The following ZNF292 variants were observed in gnomAD, a reference collection of about 807,000 sequenced individuals.
ZNF292 encodes the protein 16 zinc-finger domain protein.
ZNF292 carries 26 observed loss-of-function variants against 217.9 expected under a neutral mutation model. That is an observed-to-expected ratio of 0.12 (90% CI 0.09 to 0.17). ZNF292 has a LOEUF of 0.17. ZNF292 is among the 10% of genes least tolerant of loss of function. The pLI, the probability that ZNF292 is intolerant of heterozygous loss-of-function variation, is 1.00. For missense variants in ZNF292, 2,904 were observed against 3,175.2 expected, an observed-to-expected ratio of 0.91 and a Z score of 2.05; for synonymous variants, 1,257 against 1,124.1, an observed-to-expected ratio of 1.12 and a Z score of -2.37.
intron 1 of ZNF292, among the ~76,000 whole-genome samples, chr6:87,195,045 G>A (rs2127785372): frequency 6.6e-6 from 1 of 152,142 alleles, no homozygotes; most frequent in East Asian, 1.9e-4. Flanking sequence ...AATGTAATAA[G>A]GACTAAGTTT....
At chr6:87,198,516 A>G (rs763923498) in intron 1 of ZNF292, among the ~76,000 whole-genome samples, 8 of 152,220 alleles carry the variant, frequency 5.3e-5, no homozygotes, top group Non-Finnish European at 7.4e-5. Context: ...TTGCATGTTT[A>G]TGTGTTCCAT....
Position 87,255,713 on chromosome 6 carries a change from T to C in ZNF292, c.2084T>C (p.Phe695Ser), listed in dbSNP as rs746347330. 6.2e-7 allele frequency: 1 copy of C among 1,613,406 alleles called. No individual in the cohort carries two copies. The highest frequency in any genetic ancestry group is 8.5e-7 in the Non-Finnish European group (1 of 1,179,698). ...VTFCKKGFKY[F>S]KNLIAHVKGH... ...TTTTGTAAAAAGGGCTTTAAGTACTTTAAAAATTTAATTGCTCATGTGAAG... is the reference window on the plus strand; with the variant it reads ...TTTTGTAAAAAGGGCTTTAAGTACTCTAAAAATTTAATTGCTCATGTGAAG... Residue 695 changes from phenylalanine to serine, a missense_variant, in exon 8 of 8, where the codon TTT (phenylalanine) becomes TCT (serine). By Grantham distance (155) the Phe-to-Ser change is radical (BLOSUM62 -2). Transcript: ENST00000369577.
At chr6:87,241,243 C>T (rs1774269579) in intron 5 of ZNF292, among the ~76,000 whole-genome samples, 1 of 152,098 alleles carries the variant, frequency 6.6e-6, no homozygotes, top group African/African-American at 2.4e-5. Context: ...GAGATGGCAC[C>T]ACTGTGCCCC....
rs1424355515 is a variant in ZNF292, at chr6:87,265,315, A to G, written c.*3514A>G. On this transcript the variant is annotated 3_prime_UTR_variant, in exon 8 of 8. Coordinates refer to ENST00000369577, the MANE Select transcript of ZNF292 (RefSeq NM_015021.3). ...TTTTGGCACAATCTCAGCTCAGTGC[A>G]ACTTCCATCTCCCAGGTTCAAGTGA... 6.6e-6 allele frequency among the ~76,000 whole-genome samples: 1 copy of G among 152,062 alleles called. No individual in the cohort carries two copies. Among genetic ancestry groups the G allele is most frequent in the Non-Finnish European group, 1.5e-5 (1 of 67,998 alleles).
chr6:87,240,215 GGCGGCAT>G (rs1774200436), intron 5 of ZNF292, among the ~76,000 whole-genome samples: 1 of 152,164 alleles, frequency 6.6e-6, no homozygotes, highest in African/African-American at 2.4e-5. Flanking sequence ...AGTCAGGCGT[GGCGGCAT>G]GCGCCTGCAA....
At chr6:87,217,083 G>A (rs920460499) in intron 3 of ZNF292, among the ~76,000 whole-genome samples, 38 of 151,962 alleles carry the variant, frequency 2.5e-4, no homozygotes, top group African/African-American at 8.9e-4. Flanking sequence ...GCTCCTGCCA[G>A]CTAGTTTCAA....
intron 1 of ZNF292, among the ~76,000 whole-genome samples, chr6:87,182,832 G>A (rs1018638716): frequency 3.3e-5 from 5 of 152,124 alleles, no homozygotes; most frequent in African/African-American, 1.2e-4. Flanking sequence ...TAATAAATCA[G>A]TAAAACAGCA....
Position 87,255,362 on chromosome 6 carries a change from T to C in ZNF292, c.1733T>C (p.Phe578Ser). 6.2e-7 allele frequency: 1 copy of C among 1,613,710 alleles called. No individual in the cohort carries two copies. Among genetic ancestry groups the C allele is most frequent in the Non-Finnish European group, 8.5e-7 (1 of 1,179,802 alleles). ...AGTTGCCCCATATGTGCAAAGAACT[T>C]TAATTCTAAAGAAACTTTTGTCCCT... ...IYSCPICAKNFNSKETFVPHV... is the reference protein window; with the variant it reads ...IYSCPICAKNSNSKETFVPHV... The change falls in exon 8 of 8, where the codon TTT becomes TCT. Residue 578 changes from phenylalanine (F) to serine (S), a missense_variant. Physicochemically the swap from Phe to Ser is radical, Grantham distance 155. This residue lies in a region of ZNF292 where 216 missense variants were observed against 308.3 expected (regional missense o/e 0.70). Coordinates refer to ENST00000369577, the MANE Select transcript of ZNF292 (RefSeq NM_015021.3).
chr6:87,205,657 A>G (rs1772228597), intron 1 of ZNF292, among the ~76,000 whole-genome samples: 1 of 151,876 alleles, frequency 6.6e-6, no homozygotes, highest in Non-Finnish European at 1.5e-5. Flanking sequence ...TTCCTTTCTC[A>G]TTTCCAATAC....
intron 1 of ZNF292, among the ~76,000 whole-genome samples, chr6:87,208,299 C>A (rs1301258253): frequency 6.6e-6 from 1 of 152,070 alleles, no homozygotes; most frequent in East Asian, 1.9e-4. Context: ...AATTCATGTT[C>A]TTAGGTTCTA....
At chr6:87,197,802 G>T (rs569164251) in intron 1 of ZNF292, among the ~76,000 whole-genome samples, 2 of 146,142 alleles carry the variant, frequency 1.4e-5, no homozygotes, top group Non-Finnish European at 3.0e-5. Flanking sequence ...ATCTGTTTTA[G>T]TTGAAAGAAG....
At chr6:87,186,913 T>TC (rs1562129139) in intron 1 of ZNF292, among the ~76,000 whole-genome samples, 2 of 152,172 alleles carry the variant, frequency 1.3e-5, no homozygotes, top group East Asian at 3.8e-4. Flanking sequence ...AAATTTTTCC[T>TC]CCAACTACTC....
rs772297855 is a variant in ZNF292, at chr6:87,258,473, C to G, written c.4844C>G (p.Thr1615Arg). 2 of 1,613,594 alleles carry G rather than the reference C, an allele frequency of 1.2e-6. No individual in the cohort carries two copies. Among genetic ancestry groups the G allele is most frequent in the East Asian group, 4.5e-5 (2 of 44,874 alleles). ...RVSVISGPQNTRSSHLNKKGN... is the reference protein window; with the variant it reads ...RVSVISGPQNRRSSHLNKKGN... ...TCTGTTATAAGTGGTCCTCAGAACACAAGATCCAGTCATTTAAATAAAAAG... is the reference window on the plus strand; with the variant it reads ...TCTGTTATAAGTGGTCCTCAGAACAGAAGATCCAGTCATTTAAATAAAAAG... The change falls in exon 8 of 8, where the codon ACA becomes AGA. Residue 1615 changes from threonine to arginine, a missense_variant. Thr to Arg is a moderately conservative substitution (Grantham distance 71). This residue lies in a region of ZNF292 where 622 missense variants were observed against 573.1 expected (regional missense o/e 1.09). Transcript: ENST00000369577.
intron 5 of ZNF292, among the ~76,000 whole-genome samples, chr6:87,237,840 G>A (rs1773975723): frequency 6.6e-6 from 1 of 152,192 alleles, no homozygotes; most frequent in African/African-American, 2.4e-5. Context: ...ATAGAGAATA[G>A]TCCCTATATA....
chr6:87,205,298 C>A (rs913108670), intron 1 of ZNF292, among the ~76,000 whole-genome samples: 1 of 151,950 alleles, frequency 6.6e-6, no homozygotes, highest in South Asian at 2.1e-4. Context: ...GGTCTCGAAC[C>A]CCTGGCCTCA....
chr6:87,195,721 G>T (rs1262575734), intron 1 of ZNF292, among the ~76,000 whole-genome samples: 2 of 152,024 alleles, frequency 1.3e-5, no homozygotes, highest in African/African-American at 2.4e-5. Flanking sequence ...CTAAAAATTT[G>T]AAACATTAGA....
Position 87,255,556 on chromosome 6 carries a change from A to G in ZNF292, c.1927A>G (p.Thr643Ala), listed in dbSNP as rs775970694. The G allele has an allele frequency of 3.1e-6, 5 of 1,611,076 alleles. No individual in the cohort carries two copies. The South Asian group carries it at 3.3e-5, about 11-fold the overall frequency. The change falls in exon 8 of 8, where the codon ACA becomes GCA. Residue 643 changes from threonine (T) to alanine (A), a missense_variant. Around this residue, in one of 15 missense-constraint regions of ZNF292, gnomAD observed 216 missense variants for 308.3 expected, o/e 0.70. Transcript: ENST00000369577. ...TATAAAAAAGAATAGTCTCTATTCA[A>G]CAGATTTTATAGTGTTTAATGACAA... Reference protein sequence around the residue: ...RPIKKNSLYSTDFIVFNDNDG... With the variant: ...RPIKKNSLYSADFIVFNDNDG...
intron 1 of ZNF292, among the ~76,000 whole-genome samples, chr6:87,214,562 A>G (rs1230157263): frequency 6.6e-6 from 1 of 151,968 alleles, no homozygotes; most frequent in Non-Finnish European, 1.5e-5. Flanking sequence ...AACTTTACTG[A>G]GAAATTTTGC....
chr6:87,201,579 A>G (rs747159381), intron 1 of ZNF292, among the ~76,000 whole-genome samples: 3 of 151,874 alleles, frequency 2.0e-5, no homozygotes, highest in Non-Finnish European at 4.4e-5. Context: ...TAGTTTTTGT[A>G]TTTTAGTAGA....
Sources: allele counts gnomAD v4.1 joint callset (sites outside exome capture counted in the v4.1 genomes callset), GRCh38; gene constraint gnomAD v4.1.1; regional missense constraint gnomAD v4.1.1; transcripts MANE v1.5; gene names NCBI Gene and HGNC (gene_info 2026-07-23, HGNC 2026-07-21).